The following EPHA6 variants were observed in gnomAD, a reference collection of about 807,000 sequenced individuals.
EPHA6 encodes the protein EPH receptor A6.
In EPHA6, 50 loss-of-function variants were observed where a neutral mutation model predicts 112.0. The observed-to-expected ratio is 0.45, with a 90% confidence interval of 0.36 to 0.56. The LOEUF is 0.56. Among genes scored for constraint, EPHA6 ranks in the 20% least tolerant of loss-of-function variants. The pLI is 0.00. For synonymous variants in EPHA6, 529 were observed against 490.7 expected (o/e 1.08, Z -1.03); for missense variants, 1,280 against 1,417.4 (o/e 0.90, Z 1.56).
chr3:97,140,695 A>T (rs2075877566), intron 3 of EPHA6, among the ~76,000 whole-genome samples: 1 of 152,202 alleles, frequency 6.6e-6, no homozygotes, highest in African/African-American at 2.4e-5. Flanking sequence ...TAAACCTAGA[A>T]ACAAAAAGAC....
At chr3:97,458,256 G>C (rs532191216) in intron 7 of EPHA6, among the ~76,000 whole-genome samples, 26 of 152,004 alleles carry the variant, frequency 1.7e-4, no homozygotes, top group Non-Finnish European at 3.7e-4. Flanking sequence ...GCACATTACT[G>C]TACTATAAAG....
chr3:96,815,657 G>A lies in EPHA6; in HGVS notation c.385+649G>A, dbSNP rs115473869. Among the ~76,000 whole-genome samples the A allele has an allele frequency of 7.7e-4, 118 of 152,260 alleles. 1 individual carries two copies. The highest frequency in any genetic ancestry group is 2.7e-3 in the African/African-American group (112 of 41,560). Reference sequence around the variant, plus strand: ...AAGTTGTGAATACCCTATTCATGAAGTCAAGTCACTGACAGATTGCTTGGA... The same window carrying A: ...AAGTTGTGAATACCCTATTCATGAAATCAAGTCACTGACAGATTGCTTGGA... On this transcript the variant is annotated intron_variant, in intron 1 of 17. Transcript: ENST00000389672.
chr3:97,230,710 A>G (rs2078498332), intron 4 of EPHA6, among the ~76,000 whole-genome samples: 1 of 152,208 alleles, frequency 6.6e-6, no homozygotes, highest in Non-Finnish European at 1.5e-5. Context: ...GGACATACCT[A>G]GGGAATGAGT....
At position 97,746,393 on chromosome 3, in the gene EPHA6, A is replaced by T. The variant is rs566830701; in HGVS notation, c.3129-1030A>T. The stretch of plus-strand genomic sequence containing the variant: ...TTATTACTATAAAAGCACTTTTACC[A>T]CCAAGTATTTTTTAAAACATGCAAA... On this transcript the variant is annotated intron_variant, in intron 16 of 17. Transcript: ENST00000389672. Among the ~76,000 whole-genome samples the T allele has an allele frequency of 1.3e-3, 198 of 151,872 alleles. 1 individual carries two copies. The highest frequency in any genetic ancestry group is 4.7e-3 in the African/African-American group (195 of 41,534).
intron 3 of EPHA6, among the ~76,000 whole-genome samples, chr3:97,081,558 C>T (rs1435080695): frequency 6.6e-6 from 1 of 151,722 alleles, no homozygotes; most frequent in East Asian, 1.9e-4. Context: ...GAAACTGACA[C>T]ACTTATACAG....
rs142206566 is a variant in EPHA6 at position 97,399,526 on chromosome 3, T to C, written c.1607-5624T>C. Among the ~76,000 whole-genome samples, 1,257 of 151,830 alleles carry C rather than the reference T, an allele frequency of 8.3e-3. 14 individuals are homozygous for C. The highest frequency in any genetic ancestry group is 0.027 in the African/African-American group (1,119 of 41,534). On this transcript the variant is annotated intron_variant, in intron 5 of 17. Coordinates refer to ENST00000389672, the MANE Select transcript of EPHA6 (RefSeq NM_001080448.3). The stretch of plus-strand genomic sequence containing the variant: ...AAAGCCTCCATACTATTTTTCATAA[T>C]GACTGCACTAATTTACATTCCCACT...
Position 97,497,379 on chromosome 3 carries a change from C to T in EPHA6, c.2200+13320C>T, listed in dbSNP as rs146072715. 2.8e-3 allele frequency among the ~76,000 whole-genome samples: 427 copies of T among 152,280 alleles called. 3 individuals are homozygous for T. The highest frequency in any genetic ancestry group is 1.0e-2 in the African/African-American group (415 of 41,562). On this transcript the variant is annotated intron_variant, in intron 10 of 17. Coordinates refer to ENST00000389672, the MANE Select transcript of EPHA6 (RefSeq NM_001080448.3). ...TCTTAGCTCCAGTAACATCATGGCTCTGTCCCCACTCCCTCACTTCCTCCA... is the reference window on the plus strand; with the variant it reads ...TCTTAGCTCCAGTAACATCATGGCTTTGTCCCCACTCCCTCACTTCCTCCA...
In EPHA6 at chr3:96,981,919, A is replaced by G. The variant is rs186203897; in HGVS notation, c.451-5411A>G. 7.9e-5 allele frequency among the ~76,000 whole-genome samples: 12 copies of G among 152,064 alleles called. No individual in the cohort carries two copies. In the East Asian group the frequency reaches 1.4e-3, roughly 17 times the overall value. Reference sequence around the variant, plus strand: ...GGTGATATCCCCTTTATCATTTTTTATTACATCTATTTGATTCTTCTCTCT... The same window carrying G: ...GGTGATATCCCCTTTATCATTTTTTGTTACATCTATTTGATTCTTCTCTCT... On this transcript the variant is annotated intron_variant, in intron 2 of 17. Coordinates refer to ENST00000389672, the MANE Select transcript of EPHA6 (RefSeq NM_001080448.3).
intron 5 of EPHA6, among the ~76,000 whole-genome samples, chr3:97,326,589 C>G (rs191302325): frequency 1.2e-3 from 186 of 152,072 alleles, no homozygotes; most frequent in Non-Finnish European, 2.3e-3. Context: ...ACATTTGGAA[C>G]TTAAGGAGCT....
intron 14 of EPHA6, among the ~76,000 whole-genome samples, chr3:97,700,299 T>A (rs1488592570): frequency 2.6e-5 from 4 of 152,200 alleles, no homozygotes; most frequent in Non-Finnish European, 5.9e-5. Context: ...TTCGCCATAT[T>A]ATGAATTAAT....
At chr3:97,662,954 G>A (rs970791220) in intron 14 of EPHA6, among the ~76,000 whole-genome samples, 6 of 152,138 alleles carry the variant, frequency 3.9e-5, no homozygotes, top group African/African-American at 7.2e-5. Flanking sequence ...CACTTTCCCT[G>A]CAGGCAACAA....
At chr3:97,061,804 A>G (rs183692583) in intron 3 of EPHA6, among the ~76,000 whole-genome samples, 1 of 152,186 alleles carries the variant, frequency 6.6e-6, no homozygotes. Context: ...TGAAACGCAT[A>G]CTATAGTATG....
intron 3 of EPHA6, among the ~76,000 whole-genome samples, chr3:97,192,957 G>A (rs930152576): frequency 4.6e-5 from 7 of 152,164 alleles, no homozygotes; most frequent in Admixed American, 1.3e-4. Context: ...GTAGCAGTAC[G>A]AATTTATTTC....
intron 5 of EPHA6, among the ~76,000 whole-genome samples, chr3:97,246,760 A>G (rs914454354): frequency 2.6e-5 from 4 of 151,930 alleles, no homozygotes; most frequent in African/African-American, 9.7e-5. Flanking sequence ...AAATATAAGC[A>G]TCTACCTCCA....
At chr3:97,561,022 C>T (rs909825600) in intron 11 of EPHA6, among the ~76,000 whole-genome samples, 4 of 151,912 alleles carry the variant, frequency 2.6e-5, no homozygotes, top group African/African-American at 4.8e-5. Context: ...ATGAACAATG[C>T]CCATGTAAGA....
intron 3 of EPHA6, among the ~76,000 whole-genome samples, chr3:97,179,034 A>T (rs2076912753): frequency 6.6e-6 from 1 of 152,020 alleles, no homozygotes; most frequent in Admixed American, 6.6e-5. Context: ...TAGATTCTGT[A>T]GATGGTCTTC....
chr3:96,824,931 T>C (rs2107239501), intron 1 of EPHA6, among the ~76,000 whole-genome samples: 1 of 151,346 alleles, frequency 6.6e-6, no homozygotes, highest in African/African-American at 2.4e-5. Context: ...ATTGAAGAGG[T>C]ATAGCTGAAA....
chr3:96,850,518 CTG>C (rs1347439373), intron 1 of EPHA6, among the ~76,000 whole-genome samples: 1 of 152,064 alleles, frequency 6.6e-6, no homozygotes, highest in Non-Finnish European at 1.5e-5. Flanking sequence ...AGGCACAAAA[CTG>C]GAATTTTCCA....
At chr3:96,973,784 C>T (rs1576213030) in intron 2 of EPHA6, among the ~76,000 whole-genome samples, 1 of 146,440 alleles carries the variant, frequency 6.8e-6, no homozygotes, top group Non-Finnish European at 1.5e-5. Flanking sequence ...GAGATCATGC[C>T]ACTGGTCTCC....
Sources: allele counts gnomAD v4.1 joint callset (sites outside exome capture counted in the v4.1 genomes callset), GRCh38; gene constraint gnomAD v4.1.1; transcripts MANE v1.5; gene names NCBI Gene and HGNC (gene_info 2026-07-23, HGNC 2026-07-21).